The following ARHGEF3 variants were observed in gnomAD, a reference collection of about 807,000 sequenced individuals.
The protein encoded by ARHGEF3 is Rho guanine nucleotide exchange factor 3.
A neutral mutation model predicts 63.2 loss-of-function variants in ARHGEF3; 28 were observed. The ratio of observed to expected loss-of-function variants is 0.44; its 90% CI spans 0.33 to 0.61. The LOEUF (loss-of-function observed/expected upper bound fraction) is 0.61, where lower values mean the gene tolerates loss of function less well. ARHGEF3 is among the 20% of genes least tolerant of loss of function. The pLI is 0.03. For synonymous variants in ARHGEF3, 266 were observed against 254.2 expected (o/e 1.05, Z -0.44); for missense variants, 533 against 659.3 (o/e 0.81, Z 2.10).
chr3:56,907,094 G>C (rs2041710457), intron 3 of ARHGEF3, among the ~76,000 whole-genome samples: 1 of 143,222 alleles, frequency 7.0e-6, no homozygotes, highest in African/African-American at 2.6e-5. Context: ...TGATTCTCCT[G>C]CCTCAGCCTC....
intron 1 of ARHGEF3, among the ~76,000 whole-genome samples, chr3:57,038,297 T>C (rs962353881): frequency 6.6e-6 from 1 of 152,308 alleles, no homozygotes; most frequent in Admixed American, 6.5e-5. Context: ...TAAGGAATAG[T>C]GTCTCAATGA....
At chr3:56,991,684 A>G (rs985070915) in intron 2 of ARHGEF3, among the ~76,000 whole-genome samples, 2 of 152,156 alleles carry the variant, frequency 1.3e-5, no homozygotes, top group Non-Finnish European at 2.9e-5. Flanking sequence ...GCACGATCGC[A>G]GTTCACTGAA....
chr3:56,903,510 A>G (rs1295121312), intron 3 of ARHGEF3, among the ~76,000 whole-genome samples: 1 of 152,256 alleles, frequency 6.6e-6, no homozygotes, highest in Non-Finnish European at 1.5e-5. Flanking sequence ...AAAATGAAAT[A>G]TAGGACATGC....
chr3:56,784,892 G>A (rs936105676), intron 1 of ARHGEF3, among the ~76,000 whole-genome samples: 1 of 152,194 alleles, frequency 6.6e-6, no homozygotes, highest in Non-Finnish European at 1.5e-5. Context: ...ACTGTGAAGT[G>A]AAGATGACTC....
At chr3:56,765,091 A>G (rs56122263) in intron 2 of ARHGEF3, among the ~76,000 whole-genome samples, 50,922 of 152,022 alleles carry the variant, frequency 0.33, 9,670 homozygotes, top group Middle Eastern at 0.56. Context: ...TCCAGGAACA[A>G]TAAACAGTAA....
At chr3:57,035,696 T>C (rs1369430631) in intron 1 of ARHGEF3, among the ~76,000 whole-genome samples, 1 of 152,210 alleles carries the variant, frequency 6.6e-6, no homozygotes. Flanking sequence ...TAGCCAAATA[T>C]CTGGGTTCCC....
intron 2 of ARHGEF3, among the ~76,000 whole-genome samples, chr3:57,006,565 C>T (rs866844225): frequency 1.6e-4 from 24 of 152,322 alleles, no homozygotes; most frequent in Admixed American, 2.6e-4. Context: ...TCAGTAAAGA[C>T]ACATGGCATT....
At chr3:56,780,766 T>C (rs1186838767) in intron 1 of ARHGEF3, among the ~76,000 whole-genome samples, 1 of 152,266 alleles carries the variant, frequency 6.6e-6, no homozygotes, top group Non-Finnish European at 1.5e-5. Context: ...GTTCAGGTTA[T>C]GCATTTTTGG....
intron 2 of ARHGEF3, among the ~76,000 whole-genome samples, chr3:57,034,792 G>A (rs971993492): frequency 6.6e-6 from 1 of 151,690 alleles, no homozygotes; most frequent in Admixed American, 6.6e-5. Flanking sequence ...AAGTAGCTGG[G>A]ACTACAGGCA....
At chr3:56,900,919 T>C (rs1319521743) in intron 3 of ARHGEF3, among the ~76,000 whole-genome samples, 1 of 152,218 alleles carries the variant, frequency 6.6e-6, no homozygotes, top group Non-Finnish European at 1.5e-5. Context: ...TCAGTTTCAT[T>C]ATCTGTAAAC....
intron 4 of ARHGEF3, among the ~76,000 whole-genome samples, chr3:56,865,994 GAA>G (rs11291963): frequency 0.01 from 1,520 of 148,398 alleles, 14 homozygotes; most frequent in Non-Finnish European, 0.016. Context: ...ATCTGCAAAT[GAA>G]AAAAAAAAAA....
chr3:56,830,850 A>G (rs2038908239), intron 4 of ARHGEF3, among the ~76,000 whole-genome samples: 1 of 152,112 alleles, frequency 6.6e-6, no homozygotes, highest in Admixed American at 6.6e-5. Context: ...ATCAGCTCAA[A>G]TAACCCCTCC....
In ARHGEF3 at chr3:56,992,024, C is replaced by CTCTCTCTCTGTGTGTG. The variant is rs1239113895; in HGVS notation, c.63-33136_63-33135insCACACACAGAGAGAGA. Reference sequence around the variant, plus strand: ...TCTCACTCTCTCTCCCCTCCTCTCTCTGTGTGTGTGTGTGTGTGTGTGTGT... The same window carrying CTCTCTCTCTGTGTGTG: ...TCTCACTCTCTCTCCCCTCCTCTCTCTCTCTCTCTGTGTGTGTGTGTGTGTGTGTGTGTGTGTGTGT... On this transcript the variant is annotated intron_variant, in intron 2 of 12. Transcript: ENST00000338458. Among the ~76,000 whole-genome samples the CTCTCTCTCTGTGTGTG allele has an allele frequency of 5.9e-4, 78 of 131,710 alleles. 3 individuals carry two copies. Among genetic ancestry groups the CTCTCTCTCTGTGTGTG allele is most frequent in the African/African-American group, 2.1e-3 (73 of 34,442 alleles). The allele number at this position is 131,710 out of a possible 152,430, so 86.4% of individuals were successfully genotyped here. A position where few individuals can be genotyped will look rare whatever the true frequency, so the allele number is the denominator to read the frequency against.
At chr3:57,067,328 G>A (rs777540018) in intron 1 of ARHGEF3, among the ~76,000 whole-genome samples, 10 of 151,548 alleles carry the variant, frequency 6.6e-5, no homozygotes, top group Non-Finnish European at 1.2e-4. Flanking sequence ...GGTGGCGGGC[G>A]CCTGTACTCC....
At chr3:56,819,690 A>T in intron 4 of ARHGEF3, among the ~76,000 whole-genome samples, 1 of 147,214 alleles carries the variant, frequency 6.8e-6, no homozygotes, top group African/African-American at 2.5e-5. Context: ...TTATTTACTT[A>T]TTTATTTTTT....
intron 2 of ARHGEF3, among the ~76,000 whole-genome samples, chr3:56,967,360 T>TCA (rs1560091519): frequency 2.2e-5 from 1 of 45,000 alleles, no homozygotes; most frequent in Non-Finnish European, 4.8e-5. Context: ...TTATATAATA[T>TCA]TATATTATAT....
intron 1 of ARHGEF3, among the ~76,000 whole-genome samples, chr3:57,068,784 CATT>C (rs1705707203): frequency 6.6e-6 from 1 of 152,116 alleles, no homozygotes. Flanking sequence ...TAGGTTATAT[CATT>C]GTGTTTTTCC....
intron 8 of ARHGEF3, among the ~76,000 whole-genome samples, chr3:56,734,329 C>A (rs1342433080): frequency 6.6e-6 from 1 of 152,028 alleles, no homozygotes; most frequent in African/African-American, 2.4e-5. Context: ...AGGGGAGAGA[C>A]CAGAAGAGGA....
At chr3:56,907,453 G>A (rs1306909814) in intron 3 of ARHGEF3, among the ~76,000 whole-genome samples, 1 of 152,136 alleles carries the variant, frequency 6.6e-6, no homozygotes, top group Non-Finnish European at 1.5e-5. Context: ...ATTCCTGAAA[G>A]ACCTAAATAA....
Sources: allele counts gnomAD v4.1 joint callset (sites outside exome capture counted in the v4.1 genomes callset), GRCh38; gene constraint gnomAD v4.1.1; transcripts MANE v1.5; gene names NCBI Gene and HGNC (gene_info 2026-07-23, HGNC 2026-07-21).